The following LDB2 variants were observed in gnomAD, a reference collection of about 807,000 sequenced individuals.
LDB2 encodes LIM domain binding 2.
Under a neutral mutation model 44.3 loss-of-function variants are expected in LDB2, and 12 were observed. That is an observed-to-expected ratio of 0.27 (90% CI 0.17 to 0.44). LDB2 has a LOEUF of 0.44. Among genes scored for constraint, LDB2 ranks in the 20% least tolerant of loss-of-function variants. LDB2 has a pLI of 1.00. For synonymous variants in LDB2, 164 were observed against 174.8 expected (o/e 0.94, Z 0.49); for missense variants, 344 against 473.5 (o/e 0.73, Z 2.54).
chr4:16,627,037 A>G (rs984932827), intron 2 of LDB2: 1 of 152,168 alleles, frequency 6.6e-6, no homozygotes, highest in African/African-American at 2.4e-5. Context: ...TTAAAAAAAA[A>G]TCCTTCTGGT....
At chr4:16,850,263 C>G (rs938170716) in intron 1 of LDB2, among the ~76,000 whole-genome samples, 1 of 152,118 alleles carries the variant, frequency 6.6e-6, no homozygotes, top group East Asian at 1.9e-4. Context: ...AGGGAAATAT[C>G]CCAGGCTTTG....
intron 1 of LDB2, among the ~76,000 whole-genome samples, chr4:16,828,544 T>C (rs1320131891): frequency 6.6e-6 from 1 of 152,184 alleles, no homozygotes; most frequent in Non-Finnish European, 1.5e-5. Context: ...GTTTCATCAG[T>C]GCTAGATTAC....
intron 1 of LDB2, among the ~76,000 whole-genome samples, chr4:16,813,870 T>C (rs1436743485): frequency 6.6e-6 from 1 of 151,244 alleles, no homozygotes; most frequent in Non-Finnish European, 1.5e-5. Context: ...TTCTTTTCTT[T>C]TCTTTTCTTT....
Position 16,648,019 on chromosome 4 carries a change from C to G in LDB2, c.236-52144G>C, listed in dbSNP as rs533523446. 2.8e-4 allele frequency among the ~76,000 whole-genome samples: 43 copies of G among 152,272 alleles called. 2 individuals carry two copies. The South Asian group carries it at 6.8e-3, about 24-fold the overall frequency. On this transcript the variant is annotated intron_variant, in intron 2 of 7. Coordinates refer to ENST00000304523, the MANE Select transcript of LDB2 (RefSeq NM_001290.5). Reference sequence around the variant, plus strand: ...AATCATTGCTCACTAGTCTGTCTTCCCCTAGTGGAAGAATTCCTTGAGAAG... The same window carrying G: ...AATCATTGCTCACTAGTCTGTCTTCGCCTAGTGGAAGAATTCCTTGAGAAG...
rs1719753539 is a variant in LDB2, at chr4:16,880,553, T to G, written c.132+17801A>C. 2.0e-5 allele frequency among the ~76,000 whole-genome samples: 3 copies of G among 152,314 alleles called. No individual in the cohort carries two copies. In the South Asian group the frequency reaches 6.2e-4, roughly 32 times the overall value. On this transcript the variant is annotated intron_variant, in intron 1 of 7. Transcript: ENST00000304523. ...GGTGCTTATAGTTAGTTGCCTCTCC[T>G]ACTCTGTGTAAACCTCGGAGCCTAC...
At chr4:16,877,957 A>G (rs1320255847) in intron 1 of LDB2, among the ~76,000 whole-genome samples, 1 of 146,062 alleles carries the variant, frequency 6.8e-6, no homozygotes, top group Non-Finnish European at 1.5e-5. Context: ...GAAGGAAAAC[A>G]GAGCCACTAA....
At position 16,716,602 on chromosome 4, in the gene LDB2, T is replaced by C. The variant is rs143869920; in HGVS notation, c.235+42556A>G. ...AGAATTTGGGGGTTAGCATTTGAACTCTTTTCCTCAAATGAAATTTTATCC... is the reference window on the plus strand; with the variant it reads ...AGAATTTGGGGGTTAGCATTTGAACCCTTTTCCTCAAATGAAATTTTATCC... On this transcript the variant is annotated intron_variant, in intron 2 of 7. Coordinates refer to ENST00000304523, the MANE Select transcript of LDB2 (RefSeq NM_001290.5). 8.7e-3 allele frequency among the ~76,000 whole-genome samples: 1,326 copies of C among 152,302 alleles called. 10 individuals carry two copies. The highest frequency in any genetic ancestry group is 0.013 in the Non-Finnish European group (906 of 68,024).
chr4:16,669,971 T>G (rs1744290802), intron 2 of LDB2, among the ~76,000 whole-genome samples: 2 of 152,208 alleles, frequency 1.3e-5, no homozygotes, highest in Non-Finnish European at 2.9e-5. Context: ...CCATGCACAT[T>G]TATTGAGAAA....
At chr4:16,599,376 A>G (rs1041881200) in intron 2 of LDB2, among the ~76,000 whole-genome samples, 2 of 152,086 alleles carry the variant, frequency 1.3e-5, no homozygotes, top group African/African-American at 2.4e-5. Flanking sequence ...GCGAGGCATC[A>G]TTCTCACTCT....
At chr4:16,551,051 A>C (rs1487470674) in intron 5 of LDB2, among the ~76,000 whole-genome samples, 1 of 152,220 alleles carries the variant, frequency 6.6e-6, no homozygotes, top group Non-Finnish European at 1.5e-5. Context: ...AAAATCAGAT[A>C]ATAAATAGAA....
intron 2 of LDB2, among the ~76,000 whole-genome samples, chr4:16,694,757 C>T (rs1189527229): frequency 6.6e-6 from 1 of 152,228 alleles, no homozygotes; most frequent in Non-Finnish European, 1.5e-5. Flanking sequence ...CCACCATGTA[C>T]TCGTCGGCTA....
chr4:16,686,263 C>T (rs1185743647), intron 2 of LDB2, among the ~76,000 whole-genome samples: 1 of 152,224 alleles, frequency 6.6e-6, no homozygotes, highest in Non-Finnish European at 1.5e-5. Context: ...CAATAACCTA[C>T]ATCCTAAGAG....
At chr4:16,625,043 T>C (rs987900604) in intron 2 of LDB2, among the ~76,000 whole-genome samples, 1 of 152,122 alleles carries the variant, frequency 6.6e-6, no homozygotes, top group African/African-American at 2.4e-5. Flanking sequence ...CGGGACTCCT[T>C]AATGTGACTT....
At chr4:16,677,916 T>C (rs1281266477) in intron 2 of LDB2, among the ~76,000 whole-genome samples, 1 of 152,210 alleles carries the variant, frequency 6.6e-6, no homozygotes, top group Non-Finnish European at 1.5e-5. Context: ...ACTGCCTGAA[T>C]TAGAATGTCA....
At chr4:16,675,808 C>A (rs1223472536) in intron 2 of LDB2, among the ~76,000 whole-genome samples, 1 of 152,092 alleles carries the variant, frequency 6.6e-6, no homozygotes, top group Non-Finnish European at 1.5e-5. Context: ...TGCAACAATT[C>A]AATTCAATGT....
At chr4:16,840,280 A>G (rs1785635037) in intron 1 of LDB2, among the ~76,000 whole-genome samples, 1 of 152,196 alleles carries the variant, frequency 6.6e-6, no homozygotes, top group Non-Finnish European at 1.5e-5. Flanking sequence ...TCAGATGAAA[A>G]TGACTTTGAG....
At chr4:16,759,940 G>C (rs1767534892) in intron 1 of LDB2, among the ~76,000 whole-genome samples, 1 of 152,172 alleles carries the variant, frequency 6.6e-6, no homozygotes, top group Admixed American at 6.5e-5. Flanking sequence ...TTTGTTTTGG[G>C]TTGAATGTTT....
chr4:16,585,914 G>A lies in LDB2; in HGVS notation c.615+8C>T. ...CACCAAAAAATAAAATCATTCGATTGATCTTACCCTGAGGTAGTTGAGGGT... is the reference window on the plus strand; with the variant it reads ...CACCAAAAAATAAAATCATTCGATTAATCTTACCCTGAGGTAGTTGAGGGT... On this transcript the variant is annotated splice_region_variant and intron_variant, in intron 5 of 7. Coordinates refer to ENST00000304523, the MANE Select transcript of LDB2 (RefSeq NM_001290.5). 1.2e-6 allele frequency: 2 copies of A among 1,606,282 alleles called. No homozygotes were observed. The highest frequency in any genetic ancestry group is 1.3e-5 in the African/African-American group (1 of 74,870).
At chr4:16,555,722 A>C (rs553123628) in intron 5 of LDB2, among the ~76,000 whole-genome samples, 4 of 152,178 alleles carry the variant, frequency 2.6e-5, no homozygotes, top group Non-Finnish European at 5.9e-5. Flanking sequence ...CTCTGAGCAC[A>C]CATGACAGAT....
Sources: allele counts gnomAD v4.1 joint callset (sites outside exome capture counted in the v4.1 genomes callset), GRCh38; gene constraint gnomAD v4.1.1; transcripts MANE v1.5; gene names NCBI Gene and HGNC (gene_info 2026-07-23, HGNC 2026-07-21).